LYN: variants seen among roughly 807,000 people sequenced by gnomAD.
The protein encoded by LYN is tyrosine-protein kinase Lyn.
In LYN, 12 loss-of-function variants were observed where a neutral mutation model predicts 65.0. The ratio of observed to expected loss-of-function variants is 0.18; its 90% CI spans 0.12 to 0.30. LYN has a LOEUF of 0.30. Among genes scored for constraint, LYN ranks in the 10% least tolerant of loss-of-function variants. The pLI, the probability that LYN is intolerant of heterozygous loss-of-function variation, is 1.00. For synonymous variants in LYN, 222 were observed against 221.2 expected, an observed-to-expected ratio of 1.00 and a Z score of -0.03; for missense variants, 380 against 623.2, an observed-to-expected ratio of 0.61 and a Z score of 4.16.
chr8:55,884,710 C>T (rs1181377612), intron 1 of LYN, among the ~76,000 whole-genome samples: 1 of 148,618 alleles, frequency 6.7e-6, no homozygotes, highest in Non-Finnish European at 1.5e-5. Flanking sequence ...CCTCGGCCTC[C>T]CAAAATGCTG....
At chr8:55,981,191 T>G (rs552279198) in intron 10 of LYN, among the ~76,000 whole-genome samples, 1 of 152,256 alleles carries the variant, frequency 6.6e-6, no homozygotes, top group Admixed American at 6.5e-5. Flanking sequence ...ACACCTCTTA[T>G]CAACAGGCAC....
chr8:55,904,105 T>G (rs916997820), intron 1 of LYN, among the ~76,000 whole-genome samples: 3 of 152,126 alleles, frequency 2.0e-5, no homozygotes, highest in African/African-American at 7.2e-5. Flanking sequence ...TGAAAGTTGA[T>G]AAACAATGAG....
chr8:55,942,074 G>T, intron 2 of LYN, 83 bp downstream of exon 2: 5 of 1,419,780 alleles, frequency 3.5e-6, no homozygotes, highest in Non-Finnish European at 4.8e-6. Context: ...TGTAATATGT[G>T]CATGCAAAAA....
rs753463669 is a variant in LYN at position 55,998,276 on chromosome 8, G to A, written c.1051-70G>A. ...GATTTCAGGAATTCATAAGTTTTCC[G>A]GTTTTCCTTGATGGCACTTTCCAGT... On this transcript the variant is annotated intron_variant, in intron 10 of 12. Transcript: ENST00000519728. 51 of 1,265,532 alleles carry A rather than the reference G, an allele frequency of 4.0e-5. 1 individual carries two copies. The Admixed American group carries it at 6.6e-4, about 16-fold the overall frequency. 78.4% of individuals were successfully genotyped at this position (1,265,532 alleles called of 1,614,324 possible).
intron 1 of LYN, among the ~76,000 whole-genome samples, chr8:55,939,335 A>G (rs180963407): frequency 5.7e-4 from 87 of 152,362 alleles, no homozygotes; most frequent in African/African-American, 1.9e-3. Context: ...ATGTTAAATT[A>G]TCCATGACAA....
intron 1 of LYN, among the ~76,000 whole-genome samples, chr8:55,899,521 A>C (rs1242493426): frequency 6.6e-6 from 1 of 152,266 alleles, no homozygotes; most frequent in Non-Finnish European, 1.5e-5. Flanking sequence ...AATATAATGC[A>C]GAGAACATTT....
chr8:55,906,644 A>G (rs550696523), intron 1 of LYN, among the ~76,000 whole-genome samples: 8 of 152,144 alleles, frequency 5.3e-5, no homozygotes, highest in Non-Finnish European at 1.0e-4. Flanking sequence ...GGCGTGAGCC[A>G]TCACGCCTGG....
In LYN at chr8:56,011,032, G is replaced by A. The variant is rs1203516666; in HGVS notation, c.*922G>A. On this transcript the variant is annotated 3_prime_UTR_variant, in exon 13 of 13. Transcript: ENST00000519728. ...CTAAAACATAAGAGTTTCCTTTGTTGCTTCAAATATTTGAACATTATGTTA... is the reference window on the plus strand; with the variant it reads ...CTAAAACATAAGAGTTTCCTTTGTTACTTCAAATATTTGAACATTATGTTA... 1.7e-5 allele frequency: 4 copies of A among 232,158 alleles called. No individual in the cohort carries two copies. In the East Asian group the frequency reaches 1.8e-4, roughly 11 times the overall value. The allele number at this position is 232,158 out of a possible 1,614,324, so 14.4% of individuals were successfully genotyped here.
chr8:55,883,869 T>G (rs1804715156), intron 1 of LYN, among the ~76,000 whole-genome samples: 1 of 152,192 alleles, frequency 6.6e-6, no homozygotes, highest in Admixed American at 6.5e-5. Flanking sequence ...GGGTTTTTTT[T>G]TTCCAGTCAG....
chr8:55,911,684 G>A (rs1805642768), intron 1 of LYN, among the ~76,000 whole-genome samples: 1 of 151,874 alleles, frequency 6.6e-6, no homozygotes, highest in Non-Finnish European at 1.5e-5. Context: ...ATGAGCTGCG[G>A]GGCACCTGCC....
chr8:55,926,800 G>A (rs1475943596), intron 1 of LYN, among the ~76,000 whole-genome samples: 1 of 152,182 alleles, frequency 6.6e-6, no homozygotes, highest in Non-Finnish European at 1.5e-5. Flanking sequence ...GTGGGCTGGT[G>A]TCTGTGCTGC....
chr8:55,913,200 A>T (rs1483459514), intron 1 of LYN, among the ~76,000 whole-genome samples: 1 of 152,218 alleles, frequency 6.6e-6, no homozygotes, highest in Non-Finnish European at 1.5e-5. Context: ...ATCTTTTAGC[A>T]AAAAGATTTT....
intron 10 of LYN, among the ~76,000 whole-genome samples, chr8:55,984,031 T>C (rs934710782): frequency 1.3e-5 from 2 of 152,170 alleles, no homozygotes; most frequent in African/African-American, 4.8e-5. Flanking sequence ...TTCCATTCCA[T>C]GTCTTGTTGA....
chr8:55,960,982 G>C (rs1239738963), intron 8 of LYN, among the ~76,000 whole-genome samples: 1 of 152,130 alleles, frequency 6.6e-6, no homozygotes, highest in African/African-American at 2.4e-5. Flanking sequence ...GGAATCAACT[G>C]GGCAGTGAGG....
intron 1 of LYN, among the ~76,000 whole-genome samples, chr8:55,890,797 A>T: frequency 6.6e-6 from 1 of 150,938 alleles, no homozygotes; most frequent in East Asian, 1.9e-4. Context: ...GCACCATTAC[A>T]GCTCACTATA....
intron 1 of LYN, among the ~76,000 whole-genome samples, chr8:55,882,351 T>A (rs1445569974): frequency 6.6e-6 from 1 of 152,236 alleles, no homozygotes; most frequent in Non-Finnish European, 1.5e-5. Context: ...AGCCTTTTAC[T>A]TCTATCTGCA....
chr8:55,972,782 C>G (rs1044692306), intron 10 of LYN, among the ~76,000 whole-genome samples: 2 of 152,172 alleles, frequency 1.3e-5, no homozygotes, highest in Non-Finnish European at 2.9e-5. Flanking sequence ...TTCGATAATC[C>G]AACCTTTTCT....
intron 1 of LYN, among the ~76,000 whole-genome samples, chr8:55,925,801 T>A (rs976413361): frequency 3.3e-5 from 5 of 152,196 alleles, no homozygotes; most frequent in African/African-American, 1.2e-4. Context: ...TGATTTTTAA[T>A]TTTTACAACT....
At chr8:55,915,481 G>A (rs751449475) in intron 1 of LYN, among the ~76,000 whole-genome samples, 14 of 152,152 alleles carry the variant, frequency 9.2e-5, no homozygotes, top group Non-Finnish European at 1.6e-4. Context: ...AAGGCAGGCG[G>A]ATCACCTGAG....
Sources: allele counts gnomAD v4.1 joint callset (sites outside exome capture counted in the v4.1 genomes callset), GRCh38; gene constraint gnomAD v4.1.1; transcripts MANE v1.5; gene names NCBI Gene and HGNC (gene_info 2026-07-23, HGNC 2026-07-21).